Variants in SAMMSON observed in about 807,000 individuals in gnomAD.
The protein encoded by SAMMSON is survival associated mitochondrial melanoma specific oncogenic non-coding RNA.
chr3:70,224,246 CTACA>C (rs1701483897), intron 4 of SAMMSON, among the ~76,000 whole-genome samples: 1 of 152,318 alleles, frequency 6.6e-6, no homozygotes, highest in South Asian at 2.1e-4. Context: ...GCCAAGGTTT[CTACA>C]TGCACCTGAC....
intron 3 of SAMMSON, chr3:70,030,737 A>C (rs940917021): frequency 6.6e-6 from 1 of 152,210 alleles, no homozygotes; most frequent in African/African-American, 2.4e-5. Context: ...AAGGACGTGA[A>C]TAGACATTTG....
chr3:70,166,525 G>A (rs569809868), intron 4 of SAMMSON, among the ~76,000 whole-genome samples: 2 of 151,900 alleles, frequency 1.3e-5, no homozygotes, highest in Admixed American at 6.6e-5. Flanking sequence ...TACAGCACCC[G>A]TATCCTCCAT....
chr3:70,190,908 G>T (rs1701127177), intron 4 of SAMMSON, among the ~76,000 whole-genome samples: 1 of 152,196 alleles, frequency 6.6e-6, no homozygotes, highest in Admixed American at 6.5e-5. Flanking sequence ...CAATGGCAGA[G>T]TAGTGACAGT....
intron 7 of SAMMSON, among the ~76,000 whole-genome samples, chr3:70,311,660 T>A (rs1345044951): frequency 6.6e-6 from 1 of 152,138 alleles, no homozygotes; most frequent in Non-Finnish European, 1.5e-5. Context: ...CAAAGTAATC[T>A]ATGTTTCCTG....
intron 7 of SAMMSON, among the ~76,000 whole-genome samples, chr3:70,306,502 C>T (rs948295780): frequency 2.2e-4 from 34 of 151,972 alleles, no homozygotes; most frequent in African/African-American, 7.7e-4. Context: ...CTACAGAACT[C>T]TCATCTTTCA....
chr3:70,142,152 C>T (rs1319785808), intron 4 of SAMMSON, among the ~76,000 whole-genome samples: 1 of 151,984 alleles, frequency 6.6e-6, no homozygotes, highest in African/African-American at 2.4e-5. Flanking sequence ...AGTAGAACTA[C>T]CATTTGATTC....
At chr3:70,258,384 T>C (rs987064665) in intron 6 of SAMMSON, among the ~76,000 whole-genome samples, 65 of 152,114 alleles carry the variant, frequency 4.3e-4, no homozygotes, top group Non-Finnish European at 1.0e-4. Flanking sequence ...AGTTCATTTA[T>C]TGGAAAAATA....
chr3:70,333,498 G>A (rs1043135542), intron 7 of SAMMSON, among the ~76,000 whole-genome samples: 4 of 152,054 alleles, frequency 2.6e-5, no homozygotes, highest in Admixed American at 1.3e-4. Context: ...TTGTCTACAT[G>A]TTCTGCCTGG....
chr3:70,133,216 CT>C (rs2067490779), intron 4 of SAMMSON, among the ~76,000 whole-genome samples: 1 of 152,088 alleles, frequency 6.6e-6, no homozygotes, highest in South Asian at 2.1e-4. Flanking sequence ...AGAGTTGTAA[CT>C]TTCAGCCCCA....
intron 7 of SAMMSON, among the ~76,000 whole-genome samples, chr3:70,307,605 A>G (rs371582823): frequency 6.6e-6 from 1 of 151,422 alleles, no homozygotes; most frequent in African/African-American, 2.4e-5. Flanking sequence ...TTCAGGTCAT[A>G]TTTTTCTCGC....
intron 9 of SAMMSON, among the ~76,000 whole-genome samples, chr3:70,376,147 G>A (rs1703012666): frequency 6.6e-6 from 1 of 152,140 alleles, no homozygotes; most frequent in South Asian, 2.1e-4. Context: ...TGTAAGATGA[G>A]ACAATAAGGA....
intron 6 of SAMMSON, among the ~76,000 whole-genome samples, chr3:70,249,832 T>C (rs1314380978): frequency 6.6e-6 from 1 of 152,134 alleles, no homozygotes; most frequent in Non-Finnish European, 1.5e-5. Context: ...CTGATGCCAG[T>C]GGTCATAAAA....
chr3:70,312,754 T>C (rs1426181478), intron 7 of SAMMSON: 1 of 151,800 alleles, frequency 6.6e-6, no homozygotes. Context: ...TGTTTTTTTT[T>C]TAAGGTAATA....
At chr3:70,201,935 C>T (rs1437192207) in intron 4 of SAMMSON, among the ~76,000 whole-genome samples, 1 of 152,192 alleles carries the variant, frequency 6.6e-6, no homozygotes, top group Non-Finnish European at 1.5e-5. Context: ...TGCTTCTCCT[C>T]CTGCTCTTTG....
At position 70,327,650 on chromosome 3, in the gene SAMMSON, C is replaced by T. The variant is rs1207318773; in HGVS notation, n.740-26525C>T. On this transcript the variant is annotated intron_variant and non_coding_transcript_variant, in intron 7 of 9. Coordinates refer to ENST00000642114, the Ensembl canonical transcript of SAMMSON. ...GGAAAAGGGAGAACCACAGCCAGAG[C>T]TCACACAGGGTCCAGAAGAACTTGT... 2.0e-5 allele frequency among the ~76,000 whole-genome samples: 3 copies of T among 152,290 alleles called. No homozygotes were observed. The East Asian group carries it at 5.8e-4, about 29-fold the overall frequency.
chr3:70,100,759 C>T (rs1161450093), intron 4 of SAMMSON, among the ~76,000 whole-genome samples: 1 of 152,084 alleles, frequency 6.6e-6, no homozygotes, highest in Non-Finnish European at 1.5e-5. Context: ...TCTAGCCCAA[C>T]TAAGGGGGGA....
intron 7 of SAMMSON, among the ~76,000 whole-genome samples, chr3:70,340,268 G>A (rs1702701963): frequency 6.7e-6 from 1 of 150,064 alleles, no homozygotes; most frequent in African/African-American, 2.5e-5. Context: ...GGGAGGGATA[G>A]CATTAGGAGA....
chr3:70,286,534 T>C (rs1328815443), intron 6 of SAMMSON, among the ~76,000 whole-genome samples: 5 of 151,954 alleles, frequency 3.3e-5, no homozygotes, highest in African/African-American at 1.2e-4. Context: ...ATTGACTTGG[T>C]GATGCGGGCT....
intron 7 of SAMMSON, among the ~76,000 whole-genome samples, chr3:70,329,495 G>C (rs1279443533): frequency 6.6e-6 from 1 of 151,964 alleles, no homozygotes; most frequent in Non-Finnish European, 1.5e-5. Context: ...AAGAATTCGT[G>C]CATGATTATT....
Sources: allele counts gnomAD v4.1 joint callset (sites outside exome capture counted in the v4.1 genomes callset), GRCh38; gene constraint gnomAD v4.1.1; transcripts MANE v1.5; gene names NCBI Gene and HGNC (gene_info 2026-07-23, HGNC 2026-07-21).